The following DDX18 variants were observed in gnomAD, a reference collection of about 807,000 sequenced individuals.
DDX18 encodes the protein DEAD-box helicase 18.
DDX18 carries 23 observed loss-of-function variants against 73.5 expected under a neutral mutation model. That is an observed-to-expected ratio of 0.31 (90% CI 0.23 to 0.44). The LOEUF (loss-of-function observed/expected upper bound fraction) is 0.44, where lower values mean the gene tolerates loss of function less well. Among genes scored for constraint, DDX18 ranks in the 20% least tolerant of loss-of-function variants. DDX18 has a pLI of 1.00. For synonymous variants in DDX18, 268 were observed against 282.7 expected (o/e 0.95, Z 0.52); for missense variants, 753 against 792.9 (o/e 0.95, Z 0.60).
rs140611426 is a variant in DDX18 at position 117,824,703 on chromosome 2, G to C, written c.1201G>C (p.Glu401Gln). The C allele has an allele frequency of 1.5e-4, 226 of 1,486,278 alleles. No individual in the cohort carries two copies. The African/African-American group carries it at 2.7e-3, about 18-fold the overall frequency. The allele number at this position is 1,486,278 out of a possible 1,614,324, so 92.1% of individuals were successfully genotyped here. ...AGCGAATGCAACAGTGGATGGTCTT[G>C]AACAGGTACTTTTTATCAATAACTG... ...DKANATVDGL[E>Q]QGYVVCPSEK... The change falls in exon 8 of 14, where the codon GAA becomes CAA. Residue 401 changes from glutamate (E) to glutamine (Q), a missense_variant. Around this residue, in one of 3 missense-constraint regions of DDX18, gnomAD observed 402 missense variants for 419.4 expected, o/e 0.96. Transcript: ENST00000263239.
chr2:117,824,281 A>G (rs1558733560), intron 7 of DDX18: 1 of 221,376 alleles, frequency 4.5e-6, no homozygotes, highest in Non-Finnish European at 8.7e-6. Context: ...TTTTCTTTAC[A>G]TGAAGGTTAT....
At chr2:117,815,044 C>T (rs749809571) in intron 1 of DDX18, 182 bp downstream of exon 1, 14 of 621,440 alleles carry the variant, frequency 2.3e-5, no homozygotes, top group Non-Finnish European at 4.0e-5. Context: ...CGTCGCGTGG[C>T]TCCAGCGCTG....
chr2:117,823,591 T>C (rs976141320), intron 7 of DDX18, among the ~76,000 whole-genome samples: 2 of 152,218 alleles, frequency 1.3e-5, no homozygotes, highest in African/African-American at 4.8e-5. Context: ...TTGGATTTTC[T>C]ATATAGGCAA....
At chr2:117,825,377 C>T in intron 9 of DDX18, 70 bp from the exon 10 acceptor site, 2 of 1,552,854 alleles carry the variant, frequency 1.3e-6, no homozygotes, top group Non-Finnish European at 1.8e-6. Flanking sequence ...AACAGTTCCA[C>T]AATTTGGGGG....
Position 117,821,711 on chromosome 2 carries a change from G to C in DDX18, c.712G>C (p.Val238Leu). ...AACCCTGGCTTTTCTCATCCCTGCA[G>C]TTGAACTCATTGTTAAGTTAAGGTT... ...GKTLAFLIPA[V>L]ELIVKLRFMP... The change falls in exon 5 of 14, where the codon GTT (valine) becomes CTT (leucine). Residue 238 changes from valine to leucine, a missense_variant. Transcript: ENST00000263239. 6.2e-7 allele frequency: 1 copy of C among 1,614,032 alleles called. No homozygotes were observed. The highest frequency in any genetic ancestry group is 8.5e-7 in the Non-Finnish European group (1 of 1,179,928).
At chr2:117,829,093 T>C (rs1471569906) in intron 12 of DDX18, 88 bp downstream of exon 12, 1 of 1,286,178 alleles carries the variant, frequency 7.8e-7, no homozygotes, top group Non-Finnish European at 1.1e-6. Context: ...CACTGTCCTT[T>C]GAAGTCTACC....
In DDX18 at chr2:117,832,182, AAAAC is replaced by A. The variant is rs1288476891; in HGVS notation, c.*1462_*1465del. ...CAGAAATAATGTTTTTTAAAAGACA[AAAAC>A]AAAGGGAAGAATATTTAATTACTGA... On this transcript the variant is annotated 3_prime_UTR_variant, in exon 14 of 14. Coordinates refer to ENST00000263239, the MANE Select transcript of DDX18 (RefSeq NM_006773.4). 3.3e-5 allele frequency: 5 copies of A among 152,180 alleles called. No individual in the cohort carries two copies. Among genetic ancestry groups the A allele is most frequent in the Admixed American group, 1.3e-4 (2 of 15,280 alleles). 9.4% of individuals were successfully genotyped at this position (152,180 alleles called of 1,614,324 possible).
chr2:117,830,457 A>G, intron 13 of DDX18, 125 bp from the exon 14 acceptor site: 2 of 1,199,642 alleles, frequency 1.7e-6, no homozygotes, highest in Non-Finnish European at 2.3e-6. Flanking sequence ...ATGTTCCCAC[A>G]TTTTCATTGT....
In DDX18 at chr2:117,814,792, G is replaced by A; in HGVS notation, c.15G>A (p.Pro5=). 6.2e-7 allele frequency: 1 copy of A among 1,614,208 alleles called. No individual in the cohort carries two copies. Among genetic ancestry groups the A allele is most frequent in the Middle Eastern group, 1.6e-4 (1 of 6,062 alleles). MSHL[P]MKLLRKKIEK... ...TGTTGGGCAGAATGTCACACCTGCC[G>A]ATGAAACTCCTGCGTAAGAAGATCG... Residue 5 remains proline (P), a synonymous_variant, in exon 1 of 14, where the codon CCG becomes CCA. Coordinates refer to ENST00000263239, the MANE Select transcript of DDX18 (RefSeq NM_006773.4).
intron 2 of DDX18, among the ~76,000 whole-genome samples, chr2:117,818,431 CCT>C (rs1679792382): frequency 6.6e-6 from 1 of 152,056 alleles, no homozygotes; most frequent in South Asian, 2.1e-4. Flanking sequence ...TTTGCCAGCC[CCT>C]GAGTTGGAAC....
chr2:117,824,835 GT>G (rs1427701839), intron 8 of DDX18, 104 bp from the exon 9 acceptor site: 3 of 1,478,314 alleles, frequency 2.0e-6, no homozygotes, highest in Non-Finnish European at 1.8e-6. Flanking sequence ...AGGCATGACA[GT>G]TTACACACTG....
chr2:117,825,202 A>G (rs761767510), intron 9 of DDX18, 101 bp downstream of exon 9: 46 of 1,445,222 alleles, frequency 3.2e-5, no homozygotes, highest in Non-Finnish European at 4.2e-5. Flanking sequence ...CATTGTTCTG[A>G]GTAGTTTGAT....
At position 117,830,709 on chromosome 2, in the gene DDX18, G is replaced by T; in HGVS notation, c.1998G>T (p.Arg666Ser). Residue 666 changes from arginine (R) to serine (S), a missense_variant, in exon 14 of 14, where the codon AGG (arginine) becomes AGT (serine). By Grantham distance (110) the Arg-to-Ser change is moderately radical. Coordinates refer to ENST00000263239, the MANE Select transcript of DDX18 (RefSeq NM_006773.4). ...KHISKKSSDS[R>S]QFSH Reference sequence around the variant, plus strand: ...TTAGCAAGAAATCATCTGACAGCAGGCAGTTCTCTCACTGAACACATGCCT... The same window carrying T: ...TTAGCAAGAAATCATCTGACAGCAGTCAGTTCTCTCACTGAACACATGCCT... 3 of 1,613,300 alleles carry T rather than the reference G, an allele frequency of 1.9e-6. No homozygotes were observed. The highest frequency in any genetic ancestry group is 2.5e-6 in the Non-Finnish European group (3 of 1,179,590).
Position 117,819,710 on chromosome 2 carries a change from T to C in DDX18, c.432T>C (p.Thr144=). 6.2e-7 allele frequency: 1 copy of C among 1,609,410 alleles called. No homozygotes were observed. The highest frequency in any genetic ancestry group is 1.1e-5 in the South Asian group (1 of 90,020). ...CTGAAGAAGAAAGTGCCGAGACTACTAAAGAAACAGAAAATAATGTGGAGA... is the reference window on the plus strand; with the variant it reads ...CTGAAGAAGAAAGTGCCGAGACTACCAAAGAAACAGAAAATAATGTGGAGA... ...GKSEEESAET[T]KETENNVEKP... is the part of the protein sequence containing the mutation. The change falls in exon 3 of 14, where the codon ACT becomes ACC. Residue 144 remains threonine, a synonymous_variant. Transcript: ENST00000263239.
rs752314488 is a variant in DDX18 at position 117,817,609 on chromosome 2, C to A, written c.251C>A (p.Thr84Lys). 5 of 1,613,844 alleles carry A rather than the reference C, an allele frequency of 3.1e-6. No homozygotes were observed. The highest frequency in any genetic ancestry group is 4.2e-6 in the Non-Finnish European group (5 of 1,179,954). ...SQEAVGNIKV[T>K]KSPQKSTVLT... is the part of the protein sequence containing the mutation. The stretch of plus-strand genomic sequence containing the variant: ...GAAGCAGTGGGAAATATAAAAGTTA[C>A]AAAGTCTCCCCAGAAATCCACTGTA... The change falls in exon 2 of 14, where the codon ACA becomes AAA. Residue 84 changes from threonine (T) to lysine (K), a missense_variant. By Grantham distance (78) the Thr-to-Lys change is moderately conservative. Transcript: ENST00000263239.
intron 13 of DDX18, among the ~76,000 whole-genome samples, 192 bp from the exon 14 acceptor site, chr2:117,830,385 CTAATT>C (rs1680001203): frequency 6.6e-6 from 1 of 152,148 alleles, no homozygotes; most frequent in Non-Finnish European, 1.5e-5. Flanking sequence ...ATCATACCTG[CTAATT>C]TAAGTCCACA....
At chr2:117,814,955 A>C in intron 1 of DDX18, 93 bp downstream of exon 1, 1 of 1,297,268 alleles carries the variant, frequency 7.7e-7, no homozygotes, top group Non-Finnish European at 1.1e-6. Context: ...TGTGTGACGG[A>C]GGCAGCTTCC....
Position 117,829,288 on chromosome 2 carries a change from G to A in DDX18, c.1693-1G>A. On this transcript the variant is annotated splice_acceptor_variant, in intron 12 of 13. Transcript: ENST00000263239. LOFTEE classifies it high-confidence loss of function. ...AAAACCAGTGTTTCTTTCTATTTCA[G>A]CTTGAGAAATTGATTGAAAAGAATT... 1.9e-6 allele frequency: 3 copies of A among 1,583,440 alleles called. No homozygotes were observed. The East Asian group carries it at 6.7e-5, about 36-fold the overall frequency.
chr2:117,816,742 G>A (rs1269066166), intron 1 of DDX18, among the ~76,000 whole-genome samples: 3 of 152,138 alleles, frequency 2.0e-5, no homozygotes, highest in South Asian at 4.1e-4. Context: ...TACTTTATAC[G>A]ACTGGCATTA....
Sources: allele counts gnomAD v4.1 joint callset (sites outside exome capture counted in the v4.1 genomes callset), GRCh38; gene constraint gnomAD v4.1.1; regional missense constraint gnomAD v4.1.1; transcripts MANE v1.5; gene names NCBI Gene and HGNC (gene_info 2026-07-23, HGNC 2026-07-21).